Variants in GSDME observed in about 807,000 individuals in gnomAD.
GSDME encodes gasdermin E.
In GSDME, 44 loss-of-function variants were observed where a neutral mutation model predicts 47.5. The observed-to-expected ratio is 0.93, with a 90% CI of 0.73 to 1.19. The LOEUF (loss-of-function observed/expected upper bound fraction) is 1.19, where lower values mean the gene tolerates loss of function less well. GSDME is among the 50% of genes most tolerant of loss of function. GSDME has a pLI of 0.00. For synonymous variants in GSDME, 258 were observed against 252.8 expected, an observed-to-expected ratio of 1.02 and a Z score of -0.20; for missense variants, 663 against 604.2, an observed-to-expected ratio of 1.10 and a Z score of -1.02.
In GSDME at chr7:24,736,273, C is replaced by T. The variant is rs1037792149; in HGVS notation, c.404+8289G>A. Among the ~76,000 whole-genome samples the T allele has an allele frequency of 5.3e-5, 8 of 151,954 alleles. No individual in the cohort carries two copies. The highest frequency in any genetic ancestry group is 4.2e-4 in the South Asian group (2 of 4,814). ...AAAAGACCAAATGATCTGTTGCCTACAAGAAACACCCTTCACCTATAAAGA... is the reference window on the plus strand; with the variant it reads ...AAAAGACCAAATGATCTGTTGCCTATAAGAAACACCCTTCACCTATAAAGA... On this transcript the variant is annotated intron_variant, in intron 3 of 9. Coordinates refer to ENST00000645220, the MANE Select transcript of GSDME (RefSeq NM_001127453.2). This position sits in a 1 kb window ranked among gnomAD's most constrained non-coding sequence, Gnocchi z 4.6.
At chr7:24,737,277 G>A (rs925924811) in intron 3 of GSDME, among the ~76,000 whole-genome samples, 4 of 151,428 alleles carry the variant, frequency 2.6e-5, no homozygotes, top group African/African-American at 9.7e-5. Flanking sequence ...AAAAAGAGAA[G>A]ACCCAAATAA....
chr7:24,770,366 C>T, the GSDME span, among the ~76,000 whole-genome samples: 1 of 152,136 alleles, frequency 6.6e-6, no homozygotes, highest in Non-Finnish European at 1.5e-5. This position sits in a 1 kb window ranked among gnomAD's most constrained non-coding sequence, Gnocchi z 4.6. Flanking sequence ...TGAGTTGTAT[C>T]CTTTATGATA....
chr7:24,747,019 C>T (rs775300472), intron 2 of GSDME, among the ~76,000 whole-genome samples: 5 of 152,188 alleles, frequency 3.3e-5, no homozygotes, highest in Admixed American at 6.5e-5. Flanking sequence ...TGAGCATGCT[C>T]GGGGATTCTT....
chr7:24,707,896 G>T (rs572056441), intron 7 of GSDME: 4 of 588,580 alleles, frequency 6.8e-6, no homozygotes, highest in East Asian at 2.8e-5. Context: ...TAAATTCCTG[G>T]TTTTTTAAGC....
upstream of GSDME, among the ~76,000 whole-genome samples, chr7:24,760,418 C>G (rs1038141248): frequency 6.6e-6 from 1 of 152,192 alleles, no homozygotes; most frequent in Non-Finnish European, 1.5e-5. This position sits in a 1 kb window ranked among gnomAD's most constrained non-coding sequence, Gnocchi z 4.2. Flanking sequence ...TTGGATCCAT[C>G]AGATTTGGGT....
chr7:24,707,202 A>C (rs1789146580), intron 7 of GSDME: 4 of 410,758 alleles, frequency 9.7e-6, no homozygotes, highest in Non-Finnish European at 2.0e-5. Flanking sequence ...ACTTCCCTGG[A>C]AACCATAAAG....
chr7:24,711,179 A>G (rs1055016388), intron 5 of GSDME, among the ~76,000 whole-genome samples: 1 of 152,086 alleles, frequency 6.6e-6, no homozygotes, highest in Non-Finnish European at 1.5e-5. Context: ...TATTATCTCT[A>G]CTTTTTAACA....
At position 24,742,630 on chromosome 7, in the gene GSDME, GATT is replaced by G. The variant is rs1790527576; in HGVS notation, c.404+1929_404+1931del. Reference sequence around the variant, plus strand: ...TTTAAAAACCTATATCGAGAAATGTGATTATAGGACATTGCCAAACTGTGCTTC... The same window carrying G: ...TTTAAAAACCTATATCGAGAAATGTGATAGGACATTGCCAAACTGTGCTTC... On this transcript the variant is annotated intron_variant, in intron 3 of 9. Transcript: ENST00000645220. This position sits in a 1 kb window ranked among gnomAD's most constrained non-coding sequence, Gnocchi z 4.4. Among the ~76,000 whole-genome samples, 1 of 152,182 alleles carries G rather than the reference GATT, an allele frequency of 6.6e-6. No homozygotes were observed. The highest frequency in any genetic ancestry group is 2.1e-4 in the South Asian group (1 of 4,820).
the GSDME span, among the ~76,000 whole-genome samples, chr7:24,777,691 A>C: frequency 2.3e-3 from 347 of 152,232 alleles, no homozygotes; most frequent in African/African-American, 7.9e-3. Flanking sequence ...AAGGAGATTA[A>C]ATCCTAATGT....
At chr7:24,701,569 T>A (rs1008778255) in intron 9 of GSDME, among the ~76,000 whole-genome samples, 2 of 152,164 alleles carry the variant, frequency 1.3e-5, no homozygotes, top group African/African-American at 4.8e-5. Context: ...AGGACTAACT[T>A]AGTAAATGCT....
At chr7:24,758,011 C>G (rs934604143), upstream of GSDME, 5 of 152,312 alleles carry the variant, frequency 3.3e-5, no homozygotes, top group African/African-American at 1.2e-4. The surrounding 1 kb of genome is among the most constrained non-coding windows in gnomAD (Gnocchi z 4.6). Flanking sequence ...AAACTCCACT[C>G]TAAGCTCCTT....
In GSDME at chr7:24,706,207, T is replaced by C; in HGVS notation, c.1160A>G (p.Tyr387Cys). ...AGSKQLFMTA[Y>C]FLVSALAEMP... ...ACCTGCGAGGGCACTGACCAAGAAG[T>C]AGGCTGTCATAAACAGCTGCTTGCT... The change falls in exon 8 of 10, where the codon TAC (tyrosine) becomes TGC (cysteine). Residue 387 changes from tyrosine (Y) to cysteine (C), a missense_variant. Coordinates refer to ENST00000645220, the MANE Select transcript of GSDME (RefSeq NM_001127453.2). The C allele has an allele frequency of 1.2e-6, 2 of 1,614,216 alleles. No individual in the cohort carries two copies. Among genetic ancestry groups the C allele is most frequent in the African/African-American group, 1.3e-5 (1 of 75,068 alleles).
chr7:24,734,533 A>T (rs1188347557), intron 3 of GSDME, among the ~76,000 whole-genome samples: 1 of 152,248 alleles, frequency 6.6e-6, no homozygotes, highest in Non-Finnish European at 1.5e-5. Context: ...AGGAAACTCA[A>T]AGAAATTCAA....
rs1350336839 is a variant in GSDME, at chr7:24,756,210, A to G, written c.-20+1186T>C. On this transcript the variant is annotated intron_variant, in intron 1 of 9. Transcript: ENST00000645220. This position sits in a 1 kb window ranked among gnomAD's most constrained non-coding sequence, Gnocchi z 4.2. The stretch of plus-strand genomic sequence containing the variant: ...TGGGTAACAGAGGGCAGTCTGGGTA[A>G]GAATAGAGAAGATGCGGTGTGGTGG... 3.3e-5 allele frequency among the ~76,000 whole-genome samples: 5 copies of G among 152,214 alleles called. No individual in the cohort carries two copies. Among genetic ancestry groups the G allele is most frequent in the African/African-American group, 1.2e-4 (5 of 41,454 alleles).
chr7:24,727,524 T>G (rs1790006537), intron 3 of GSDME, among the ~76,000 whole-genome samples: 1 of 152,212 alleles, frequency 6.6e-6, no homozygotes, highest in South Asian at 2.1e-4. Context: ...CTTTAGTAAA[T>G]CCAGAACTTC....
intron 9 of GSDME, among the ~76,000 whole-genome samples, chr7:24,701,399 G>A (rs1445030623): frequency 6.6e-6 from 1 of 152,194 alleles, no homozygotes; most frequent in East Asian, 1.9e-4. Flanking sequence ...GCAGAACTTG[G>A]GGGTAATACA....
rs200457630 is a variant in GSDME, at chr7:24,735,500, T to A, written c.404+9062A>T. Among the ~76,000 whole-genome samples, 1 of 152,150 alleles carries A rather than the reference T, an allele frequency of 6.6e-6. No homozygotes were observed. Among genetic ancestry groups the A allele is most frequent in the East Asian group, 1.9e-4 (1 of 5,194 alleles). ...GGCCGGGCACAGTGGCTCACGCCTG[T>A]AATCCCAGCAGTTTGGGAGGCCGAG... On this transcript the variant is annotated intron_variant, in intron 3 of 9. Coordinates refer to ENST00000645220, the MANE Select transcript of GSDME (RefSeq NM_001127453.2). This position sits in a 1 kb window ranked among gnomAD's most constrained non-coding sequence, Gnocchi z 4.4.
At position 24,708,207 on chromosome 7, in the gene GSDME, C is replaced by T. The variant is rs770746301; in HGVS notation, c.910G>A (p.Glu304Lys). The stretch of plus-strand genomic sequence containing the variant: ...TCACTCAAAGCTGTCTGTTGTGGCT[C>T]AGGCAGCTCCGCAAATGGATGGAAA... ...RNFHPFAELPEPQQTALSDIF... is the reference protein window; with the variant it reads ...RNFHPFAELPKPQQTALSDIF... Residue 304 changes from glutamate (E) to lysine (K), a missense_variant, in exon 7 of 10, where the codon GAG (glutamate) becomes AAG (lysine). Coordinates refer to ENST00000645220, the MANE Select transcript of GSDME (RefSeq NM_001127453.2). The T allele has an allele frequency of 1.1e-5, 18 of 1,614,032 alleles. No homozygotes were observed. The highest frequency in any genetic ancestry group is 1.4e-5 in the Non-Finnish European group (17 of 1,180,038).
At chr7:24,784,531 G>C in the GSDME span, among the ~76,000 whole-genome samples, 37 of 152,024 alleles carry the variant, frequency 2.4e-4, no homozygotes, top group South Asian at 7.7e-3. Flanking sequence ...TGATGTTCAA[G>C]AGCTGGAAGC....
Sources: gnomAD v4.1 joint callset for allele counts (sites outside exome capture counted in the v4.1 genomes callset) on GRCh38, gnomAD v4.1.1 for gene constraint, Gnocchi (gnomAD v3.1) non-coding constraint, MANE v1.5 for transcripts, NCBI Gene and HGNC (gene_info 2026-07-23, HGNC 2026-07-21) for gene names.